The following TRPS1 variants were observed in gnomAD, a reference collection of about 807,000 sequenced individuals.
TRPS1 encodes the protein transcriptional repressor GATA binding 1.
In TRPS1, 6 loss-of-function variants were observed where a neutral mutation model predicts 101.2. That is an observed-to-expected ratio of 0.06 (90% CI 0.03 to 0.12). TRPS1 has a LOEUF of 0.12. Among genes scored for constraint, TRPS1 ranks in the 10% least tolerant of loss-of-function variants. TRPS1 has a pLI of 1.00. For synonymous variants in TRPS1, 578 were observed against 589.8 expected, an observed-to-expected ratio of 0.98 and a Z score of 0.29; for missense variants, 1,363 against 1,567.0, an observed-to-expected ratio of 0.87 and a Z score of 2.20.
intron 5 of TRPS1, among the ~76,000 whole-genome samples, chr8:115,544,034 CATAAA>C (rs1171485104): frequency 1.3e-5 from 2 of 151,810 alleles, no homozygotes; most frequent in African/African-American, 4.8e-5. Context: ...TGTATTTAGA[CATAAA>C]ATAAAATCCT....
At chr8:115,422,938 A>G (rs897511542) in intron 5 of TRPS1, among the ~76,000 whole-genome samples, 1 of 152,196 alleles carries the variant, frequency 6.6e-6, no homozygotes, top group African/African-American at 2.4e-5. Context: ...TAGCTAGCCG[A>G]TAACACCAAT....
rs751921990 is a variant in TRPS1 at position 115,587,200 on chromosome 8, T to C, written c.2501A>G (p.Gln834Arg). Residue 834 changes from glutamine to arginine, a missense_variant, in exon 5 of 7, where the codon CAA becomes CGA. This residue lies in a region of TRPS1 where 1,020 missense variants were observed against 1,073.0 expected (regional missense o/e 0.95). Transcript: ENST00000395715. ...ATCCCTTAGAGTCTTTGTCTGCTCT[T>C]GGGTGCCAGACACAGGCGTCAGCAG... ...LGLLTPVSGT[Q>R]EQTKTLRDSP... is the part of the protein sequence containing the mutation. 10 of 1,614,112 alleles carry C rather than the reference T, an allele frequency of 6.2e-6. No individual in the cohort carries two copies. The highest frequency in any genetic ancestry group is 8.5e-6 in the Non-Finnish European group (10 of 1,180,042).
chr8:115,434,786 C>T (rs1041580299), intron 5 of TRPS1, among the ~76,000 whole-genome samples: 7 of 152,112 alleles, frequency 4.6e-5, no homozygotes, highest in African/African-American at 1.7e-4. Flanking sequence ...ATGCTTATAA[C>T]CTGTCGAAAT....
rs780699934 is a variant in TRPS1 at position 115,571,374 on chromosome 8, AT to A, written c.2700+15626del. Reference sequence around the variant, plus strand: ...TTATAACAAAACTTTTAATAAGCATATTTTTTTCTTAACATTAAATGGGTAA... The same window carrying A: ...TTATAACAAAACTTTTAATAAGCATATTTTTTCTTAACATTAAATGGGTAA... On this transcript the variant is annotated intron_variant, in intron 5 of 6. Transcript: ENST00000395715. 4.4e-4 allele frequency among the ~76,000 whole-genome samples: 67 copies of A among 152,214 alleles called. No homozygotes were observed. In the East Asian group the frequency reaches 0.011, roughly 26 times the overall value.
intron 5 of TRPS1, among the ~76,000 whole-genome samples, chr8:115,564,028 G>A (rs374049676): frequency 9.2e-5 from 14 of 152,154 alleles, no homozygotes; most frequent in African/African-American, 3.1e-4. Flanking sequence ...CCTAAACATT[G>A]TTCAGTTCTT....
intron 1 of TRPS1, among the ~76,000 whole-genome samples, chr8:115,663,708 G>T (rs1811858468): frequency 7.6e-6 from 1 of 132,360 alleles, no homozygotes. Context: ...TTGGATTTGT[G>T]CTCTTGGAAA....
At chr8:115,551,538 T>C (rs1428780765) in intron 5 of TRPS1, among the ~76,000 whole-genome samples, 1 of 152,204 alleles carries the variant, frequency 6.6e-6, no homozygotes. Context: ...ACTAAAGTCT[T>C]TATCATCAAA....
chr8:115,456,900 T>C (rs1370981093), intron 5 of TRPS1, among the ~76,000 whole-genome samples: 3 of 152,120 alleles, frequency 2.0e-5, no homozygotes, highest in Non-Finnish European at 4.4e-5. Context: ...ATATATATTT[T>C]CAAGAATTGT....
intron 1 of TRPS1, among the ~76,000 whole-genome samples, chr8:115,653,261 C>T (rs1459683123): frequency 6.6e-6 from 1 of 151,900 alleles, no homozygotes; most frequent in Non-Finnish European, 1.5e-5. Context: ...TCCTATGGTT[C>T]TATAAGGTAT....
At chr8:115,507,564 G>A (rs1002747698) in intron 5 of TRPS1, among the ~76,000 whole-genome samples, 9 of 151,828 alleles carry the variant, frequency 5.9e-5, no homozygotes, top group Non-Finnish European at 8.8e-5. Context: ...ACTTTATCCC[G>A]GACCACAGAG....
intron 5 of TRPS1, among the ~76,000 whole-genome samples, chr8:115,441,647 T>A (rs1008182084): frequency 1.3e-5 from 2 of 152,000 alleles, no homozygotes; most frequent in African/African-American, 4.8e-5. Flanking sequence ...GTAATATATT[T>A]GCCTCTACAT....
chr8:115,610,076 A>G (rs1325007287), intron 3 of TRPS1, among the ~76,000 whole-genome samples: 1 of 152,226 alleles, frequency 6.6e-6, no homozygotes, highest in East Asian at 1.9e-4. Flanking sequence ...TTTTCAACGC[A>G]GCAAAGAAAG....
chr8:115,663,161 T>G (rs1811844977), intron 1 of TRPS1, among the ~76,000 whole-genome samples: 1 of 152,040 alleles, frequency 6.6e-6, no homozygotes, highest in African/African-American at 2.4e-5. Context: ...CAGGAAAGAT[T>G]TTTAATAACA....
chr8:115,662,898 T>G (rs1051370637), intron 1 of TRPS1, among the ~76,000 whole-genome samples: 1 of 152,062 alleles, frequency 6.6e-6, no homozygotes, highest in African/African-American at 2.4e-5. Flanking sequence ...CATTTAAACT[T>G]CCACATTTTA....
chr8:115,545,468 G>A (rs971023178), intron 5 of TRPS1, among the ~76,000 whole-genome samples: 1 of 151,972 alleles, frequency 6.6e-6, no homozygotes, highest in Non-Finnish European at 1.5e-5. Context: ...TCTTCACTAT[G>A]CCTAAGAGCC....
chr8:115,599,203 TTTGA>T (rs1326709504), intron 4 of TRPS1, among the ~76,000 whole-genome samples: 2 of 152,172 alleles, frequency 1.3e-5, no homozygotes, highest in Admixed American at 6.5e-5. Flanking sequence ...AATGCCTCAT[TTTGA>T]TTAATTCATT....
chr8:115,665,139 G>A (rs1270289541), intron 1 of TRPS1, among the ~76,000 whole-genome samples: 2 of 152,112 alleles, frequency 1.3e-5, no homozygotes, highest in African/African-American at 4.8e-5. Context: ...TATGAAAAAT[G>A]TTTAAAGGTC....
chr8:115,601,244 G>A lies in TRPS1; in HGVS notation c.2096+2629C>T, dbSNP rs527586295. 2.0e-5 allele frequency among the ~76,000 whole-genome samples: 3 copies of A among 152,308 alleles called. No individual in the cohort carries two copies. The East Asian group carries it at 5.8e-4, about 29-fold the overall frequency. ...GAAATAACACAGAATTATGGCAGAA[G>A]TTTCCCAACATGAATAATCTGAGTA... On this transcript the variant is annotated intron_variant, in intron 4 of 6. Transcript: ENST00000395715.
chr8:115,442,375 T>C (rs531912937), intron 5 of TRPS1, among the ~76,000 whole-genome samples: 1 of 152,254 alleles, frequency 6.6e-6, no homozygotes, highest in South Asian at 2.1e-4. Flanking sequence ...TAAGCATGAA[T>C]TGTCACCTAA....
Sources: gnomAD v4.1 joint callset for allele counts (sites outside exome capture counted in the v4.1 genomes callset) on GRCh38, gnomAD v4.1.1 for gene constraint, gnomAD v4.1.1 regional missense constraint, MANE v1.5 for transcripts, NCBI Gene and HGNC (gene_info 2026-07-23, HGNC 2026-07-21) for gene names.